CCDC73: variants seen among roughly 807,000 people sequenced by gnomAD.
CCDC73 encodes coiled-coil domain-containing protein 73.
In CCDC73, 95 loss-of-function variants were observed where a neutral mutation model predicts 116.5. That is an observed-to-expected ratio of 0.82 (90% CI 0.69 to 0.97). The LOEUF (loss-of-function observed/expected upper bound fraction) is 0.97. CCDC73 is among the 50% of genes least tolerant of loss of function. The probability of loss-of-function intolerance (pLI) is 0.00; values close to 1 mark genes in which losing one functional copy is unlikely to be tolerated. For missense variants in CCDC73, 1,066 were observed against 1,206.8 expected (o/e 0.88, Z 1.73); for synonymous variants, 398 against 401.3 (o/e 0.99, Z 0.10).
intron 3 of CCDC73, among the ~76,000 whole-genome samples, chr11:32,705,529 G>C (rs986041726): frequency 6.6e-6 from 1 of 152,114 alleles, no homozygotes; most frequent in Non-Finnish European, 1.5e-5. Context: ...ACGCTCACTC[G>C]CTCACACACC....
At chr11:32,643,929 T>C (rs1194274146) in intron 12 of CCDC73, among the ~76,000 whole-genome samples, 1 of 152,136 alleles carries the variant, frequency 6.6e-6, no homozygotes, top group Non-Finnish European at 1.5e-5. Context: ...ACACACAGAT[T>C]GTACAGCTGT....
At chr11:32,634,643 T>C (rs1352765224) in intron 14 of CCDC73, among the ~76,000 whole-genome samples, 2 of 152,188 alleles carry the variant, frequency 1.3e-5, no homozygotes, top group Non-Finnish European at 2.9e-5. Context: ...AACATTAGAT[T>C]AGAGGGTCCT....
At chr11:32,826,660 CAA>C in the CCDC73 span, among the ~76,000 whole-genome samples, 2 of 133,258 alleles carry the variant, frequency 1.5e-5, no homozygotes, top group African/African-American at 2.8e-5. Flanking sequence ...AAAAAAAAAA[CAA>C]AAAAAAAAAC....
At chr11:32,677,969 A>G (rs1192366547) in intron 7 of CCDC73, among the ~76,000 whole-genome samples, 1 of 148,966 alleles carries the variant, frequency 6.7e-6, no homozygotes, top group South Asian at 2.1e-4. Flanking sequence ...AAAAAAAAAA[A>G]AAAAAAAAAA....
chr11:32,619,735 AAGAAGGAGCAGAAGG>A (rs1214505061), intron 14 of CCDC73, among the ~76,000 whole-genome samples: 4 of 151,454 alleles, frequency 2.6e-5, no homozygotes, highest in Non-Finnish European at 5.9e-5. Context: ...GGAGGAGATG[AAGAAGGAGCAGAAGG>A]AGGAGGAGGA....
At chr11:32,769,580 A>C (rs1017644115) in intron 1 of CCDC73, among the ~76,000 whole-genome samples, 2 of 152,198 alleles carry the variant, frequency 1.3e-5, no homozygotes, top group African/African-American at 4.8e-5. Flanking sequence ...GCAAAGATTC[A>C]AGGGATGGAG....
In CCDC73 at chr11:32,644,168, G is replaced by A. The variant is rs532536184; in HGVS notation, c.940-2086C>T. Reference sequence around the variant, plus strand: ...TACTACACAGCCATAAAAAGAGTGAGATCATGTCCTTTGCAGCAACATGGA... The same window carrying A: ...TACTACACAGCCATAAAAAGAGTGAAATCATGTCCTTTGCAGCAACATGGA... On this transcript the variant is annotated intron_variant, in intron 12 of 17. Transcript: ENST00000335185. 2.6e-5 allele frequency among the ~76,000 whole-genome samples: 4 copies of A among 152,226 alleles called. No homozygotes were observed. The South Asian group carries it at 8.3e-4, about 32-fold the overall frequency.
At chr11:32,755,539 ATAT>A (rs1850326055) in intron 2 of CCDC73, among the ~76,000 whole-genome samples, 1 of 63,818 alleles carries the variant, frequency 1.6e-5, no homozygotes, top group Admixed American at 1.8e-4. Flanking sequence ...ATCTCAAAAT[ATAT>A]ATATATATAT....
At chr11:32,802,925 CTTT>C in the CCDC73 span, among the ~76,000 whole-genome samples, 10 of 138,584 alleles carry the variant, frequency 7.2e-5, no homozygotes, top group Admixed American at 6.6e-4. Flanking sequence ...GCTAATTTTT[CTTT>C]TTTTTTTTTT....
In CCDC73 at chr11:32,760,110, C is replaced by G; in HGVS notation, c.134G>C (p.Arg45Thr). Residue 45 changes from arginine (R) to threonine (T), a missense_variant and splice_region_variant, in exon 2 of 18, where the codon AGG becomes ACG. Physicochemically the swap from Arg to Thr is moderately conservative, Grantham distance 71. Transcript: ENST00000335185. ...AAAGCATTTTAAAAAGGAGCTTACCCTTCTCATACGCAATTCTTCTAATGC... is the reference window on the plus strand; with the variant it reads ...AAAGCATTTTAAAAAGGAGCTTACCGTTCTCATACGCAATTCTTCTAATGC... ...LEALEELRMR[R>T]EAEIHYEEQI... is the part of the protein sequence containing the mutation. The G allele has an allele frequency of 6.3e-6, 10 of 1,597,030 alleles. No homozygotes were observed. Among genetic ancestry groups the G allele is most frequent in the Non-Finnish European group, 8.5e-6 (10 of 1,173,832 alleles).
chr11:32,618,100 T>C (rs567957275), intron 14 of CCDC73, among the ~76,000 whole-genome samples: 1 of 152,286 alleles, frequency 6.6e-6, no homozygotes, highest in East Asian at 1.9e-4. Flanking sequence ...GTACCCAATG[T>C]TTAGTTCCAA....
Position 32,760,274 on chromosome 11 carries a change from G to T in CCDC73, c.-15-16C>A, listed in dbSNP as rs748338674. ...TATTTATTTCCTGTAATGTAAAAAG[G>T]TCTTAACTGAAAAAAAATTATCTAG... On this transcript the variant is annotated splice_polypyrimidine_tract_variant and intron_variant, in intron 1 of 17. Transcript: ENST00000335185. The T allele has an allele frequency of 1.0e-5, 14 of 1,406,506 alleles. No individual in the cohort carries two copies. The highest frequency in any genetic ancestry group is 1.7e-5 in the African/African-American group (1 of 57,854). 87.1% of individuals were successfully genotyped at this position (1,406,506 alleles called of 1,614,324 possible). A position where few individuals can be genotyped will look rare whatever the true frequency, so the allele number is the denominator to read the frequency against.
At chr11:32,648,007 C>A (rs1855793563) in intron 12 of CCDC73, among the ~76,000 whole-genome samples, 1 of 152,146 alleles carries the variant, frequency 6.6e-6, no homozygotes, top group Non-Finnish European at 1.5e-5. Context: ...ATCCCCTTCC[C>A]CCCAAACCTC....
At chr11:32,655,519 C>T (rs1212203896) in intron 9 of CCDC73, among the ~76,000 whole-genome samples, 1 of 152,042 alleles carries the variant, frequency 6.6e-6, no homozygotes, top group Admixed American at 6.5e-5. Context: ...TCTACATGCA[C>T]AAAGCCACAG....
At chr11:32,821,499 T>TA in the CCDC73 span, among the ~76,000 whole-genome samples, 1 of 152,172 alleles carries the variant, frequency 6.6e-6, no homozygotes, top group Non-Finnish European at 1.5e-5. Context: ...TTGGATGTCT[T>TA]ACAAAGGCAC....
intron 7 of CCDC73, chr11:32,683,273 T>G: frequency 7.5e-6 from 3 of 401,872 alleles, no homozygotes; most frequent in South Asian, 7.2e-5. Flanking sequence ...GTTTCCAATT[T>G]TGAAGCATTT....
the CCDC73 span, among the ~76,000 whole-genome samples, chr11:32,803,289 C>T: frequency 1.3e-5 from 2 of 151,970 alleles, no homozygotes; most frequent in African/African-American, 4.8e-5. Context: ...CGGGGCTTCA[C>T]CATGTTGGCC....
At chr11:32,653,945 TTA>T in intron 11 of CCDC73, 31 bp downstream of exon 11, 1 of 1,582,014 alleles carries the variant, frequency 6.3e-7, no homozygotes, top group Non-Finnish European at 8.6e-7. Flanking sequence ...TTTAGAATAT[TTA>T]CTGGCTTCCA....
At chr11:32,634,413 T>A (rs114758597) in intron 14 of CCDC73, among the ~76,000 whole-genome samples, 1 of 152,078 alleles carries the variant, frequency 6.6e-6, no homozygotes. Flanking sequence ...ATCATCTTAA[T>A]AGACACAGAA....
Sources: gnomAD v4.1 joint callset for allele counts (sites outside exome capture counted in the v4.1 genomes callset) on GRCh38, gnomAD v4.1.1 for gene constraint, MANE v1.5 for transcripts, NCBI Gene and HGNC (gene_info 2026-07-23, HGNC 2026-07-21) for gene names.